DSCAM: variants seen among roughly 807,000 people sequenced by gnomAD.
The protein encoded by DSCAM is cell adhesion molecule DSCAM.
A neutral mutation model predicts 217.7 loss-of-function variants in DSCAM; 47 were observed. The observed-to-expected ratio is 0.22, with a 90% CI of 0.17 to 0.28. The LOEUF is 0.28. DSCAM is among the 10% of genes least tolerant of loss of function. The probability of loss-of-function intolerance (pLI) is 1.00; values close to 1 mark genes in which losing one functional copy is unlikely to be tolerated. For synonymous variants in DSCAM, 1,056 were observed against 1,015.3 expected (o/e 1.04, Z -0.76); for missense variants, 2,080 against 2,618.3 (o/e 0.79, Z 4.49).
intron 1 of DSCAM, among the ~76,000 whole-genome samples, chr21:40,792,648 C>G (rs1046190866): frequency 6.6e-6 from 1 of 152,172 alleles, no homozygotes; most frequent in Non-Finnish European, 1.5e-5. Context: ...CATCAGGAAT[C>G]ACAAAGTCAG....
At chr21:40,339,536 T>TG (rs1319192982) in intron 6 of DSCAM, 121 bp from the exon 7 acceptor site, 1 of 1,024,314 alleles carries the variant, frequency 9.8e-7, no homozygotes, top group Non-Finnish European at 1.4e-6. Flanking sequence ...CAAAAAGGTC[T>TG]GGTTTTCCTG....
intron 1 of DSCAM, among the ~76,000 whole-genome samples, chr21:40,750,022 G>A (rs1442230065): frequency 6.6e-6 from 1 of 151,814 alleles, no homozygotes; most frequent in Non-Finnish European, 1.5e-5. Context: ...CTACCTCCTG[G>A]GTTCAAGTGA....
At chr21:40,742,650 G>C (rs1052942170) in intron 1 of DSCAM, among the ~76,000 whole-genome samples, 1 of 152,214 alleles carries the variant, frequency 6.6e-6, no homozygotes, top group African/African-American at 2.4e-5. Context: ...AAACAGAGTA[G>C]AGGTTTGAGA....
intron 12 of DSCAM, among the ~76,000 whole-genome samples, chr21:40,188,593 T>A (rs972337058): frequency 1.3e-5 from 2 of 152,196 alleles, no homozygotes; most frequent in Admixed American, 6.5e-5. Flanking sequence ...TTTCTCTAGC[T>A]TTTGTGATCC....
intron 3 of DSCAM, among the ~76,000 whole-genome samples, chr21:40,371,078 G>A (rs1345766669): frequency 6.6e-6 from 1 of 152,050 alleles, no homozygotes; most frequent in Non-Finnish European, 1.5e-5. Context: ...AATTATTAAA[G>A]GTAGTATAAA....
intron 3 of DSCAM, among the ~76,000 whole-genome samples, chr21:40,528,498 T>A (rs762167207): frequency 6.6e-6 from 1 of 152,248 alleles, no homozygotes; most frequent in Non-Finnish European, 1.5e-5. Flanking sequence ...ATTTAAAATA[T>A]TCCTTCCAGT....
At chr21:40,828,986 C>G (rs140739909) in intron 1 of DSCAM, among the ~76,000 whole-genome samples, 1 of 152,166 alleles carries the variant, frequency 6.6e-6, no homozygotes, top group Non-Finnish European at 1.5e-5. Flanking sequence ...GTCTGCTTCC[C>G]GCAGCCCCTG....
rs1231879272 is a variant in DSCAM at position 40,144,118 on chromosome 21, T to TA, written c.3259+372dup. 1.2e-4 allele frequency among the ~76,000 whole-genome samples: 18 copies of TA among 152,192 alleles called. No homozygotes were observed. The East Asian group carries it at 3.5e-3, about 29-fold the overall frequency. ...AAACAATGAAAAATAAAATAAATTT[T>TA]AAAAAACCTTCTTAACATTTGGGAG... On this transcript the variant is annotated intron_variant, in intron 17 of 32. Transcript: ENST00000400454. The surrounding 1 kb of genome is among the most constrained non-coding windows in gnomAD (Gnocchi z 4.8).
chr21:40,354,544 A>C, intron 4 of DSCAM, among the ~76,000 whole-genome samples: 1 of 151,938 alleles, frequency 6.6e-6, no homozygotes, highest in East Asian at 2.0e-4. Context: ...AAATAAATTT[A>C]AACAGAAAAA....
chr21:40,664,025 A>G (rs1449352341), intron 3 of DSCAM, among the ~76,000 whole-genome samples: 2 of 152,248 alleles, frequency 1.3e-5, no homozygotes, highest in African/African-American at 4.8e-5. Flanking sequence ...GTTTTCAGAT[A>G]TCAGTCTGCT....
chr21:40,028,764 C>G (rs1170261195), intron 32 of DSCAM, among the ~76,000 whole-genome samples: 1 of 152,168 alleles, frequency 6.6e-6, no homozygotes, highest in Non-Finnish European at 1.5e-5. Context: ...GAACCCGGTA[C>G]CTCAGATGGA....
rs374058392 is a variant in DSCAM, at chr21:40,520,583, C to A, written c.509-151338G>T. On this transcript the variant is annotated intron_variant, in intron 3 of 32. Coordinates refer to ENST00000400454, the MANE Select transcript of DSCAM (RefSeq NM_001389.5). Reference sequence around the variant, plus strand: ...CAGCACTTTGGGAGGCCGAGGCGGGCAGATCACGAGATCAGGAGTTCGAGA... The same window carrying A: ...CAGCACTTTGGGAGGCCGAGGCGGGAAGATCACGAGATCAGGAGTTCGAGA... 4.6e-4 allele frequency among the ~76,000 whole-genome samples: 70 copies of A among 152,142 alleles called. 1 individual carries two copies. In the South Asian group the frequency reaches 0.014, roughly 31 times the overall value.
chr21:40,406,469 A>G (rs2123786904), intron 3 of DSCAM, among the ~76,000 whole-genome samples: 1 of 152,380 alleles, frequency 6.6e-6, no homozygotes, highest in East Asian at 1.9e-4. Context: ...GCCTTAAAAA[A>G]GCAATGAAAT....
chr21:40,351,251 A>AG (rs2074627826), intron 5 of DSCAM, among the ~76,000 whole-genome samples: 1 of 152,140 alleles, frequency 6.6e-6, no homozygotes, highest in South Asian at 2.1e-4. Context: ...AGGACTTGGC[A>AG]GGATGTAGAA....
chr21:40,608,454 G>A (rs552191767), intron 3 of DSCAM, among the ~76,000 whole-genome samples: 58 of 152,140 alleles, frequency 3.8e-4, no homozygotes, highest in Non-Finnish European at 2.2e-4. Flanking sequence ...TTTCCTAAAC[G>A]GTGTTCTAAG....
intron 3 of DSCAM, among the ~76,000 whole-genome samples, chr21:40,577,965 A>T (rs1447573078): frequency 6.6e-6 from 1 of 152,204 alleles, no homozygotes; most frequent in Non-Finnish European, 1.5e-5. Context: ...AGGGGCTGCC[A>T]GTCAAAGAGC....
At chr21:40,786,653 G>A (rs930368859) in intron 1 of DSCAM, among the ~76,000 whole-genome samples, 11 of 152,174 alleles carry the variant, frequency 7.2e-5, no homozygotes, top group Non-Finnish European at 2.9e-5. Context: ...CAAATAGAGT[G>A]AGAAACTGCT....
chr21:40,037,375 GACAA>G (rs1306024675), intron 32 of DSCAM, among the ~76,000 whole-genome samples: 2 of 148,536 alleles, frequency 1.3e-5, no homozygotes, highest in East Asian at 1.9e-4. Context: ...ACCAATAACA[GACAA>G]ACAGAGAGCC....
chr21:40,583,672 A>T (rs189601428), intron 3 of DSCAM, among the ~76,000 whole-genome samples: 1 of 152,340 alleles, frequency 6.6e-6, no homozygotes, highest in East Asian at 1.9e-4. Flanking sequence ...TGAGTCTTTC[A>T]AATATTCAAG....
Sources: allele counts gnomAD v4.1 joint callset (sites outside exome capture counted in the v4.1 genomes callset), GRCh38; gene constraint gnomAD v4.1.1; non-coding constraint Gnocchi (gnomAD v3.1); transcripts MANE v1.5; gene names NCBI Gene and HGNC (gene_info 2026-07-23, HGNC 2026-07-21).